The following PDE3A variants were observed in gnomAD, a reference collection of about 807,000 sequenced individuals.
PDE3A encodes phosphodiesterase 3A, also known as cGMP-inhibited 3',5'-cyclic phosphodiesterase 3A.
Under a neutral mutation model 98.3 loss-of-function variants are expected in PDE3A, and 43 were observed. The ratio of observed to expected loss-of-function variants is 0.44; its 90% CI spans 0.34 to 0.56. The LOEUF (loss-of-function observed/expected upper bound fraction) is 0.56. Ranked by LOEUF, PDE3A falls within the 20% of genes least tolerant of loss-of-function variation. The pLI is 0.01. For missense variants in PDE3A, 1,427 were observed against 1,440.7 expected (o/e 0.99, Z 0.15); for synonymous variants, 663 against 567.9 (o/e 1.17, Z -2.38).
At chr12:20,629,494 G>T (rs1487041762) in intron 5 of PDE3A, among the ~76,000 whole-genome samples, 2 of 152,094 alleles carry the variant, frequency 1.3e-5, no homozygotes, top group African/African-American at 2.4e-5. Context: ...ACTGGTTAAC[G>T]TTTAAAACAA....
chr12:20,641,656 A>G (rs1044830661), intron 10 of PDE3A, among the ~76,000 whole-genome samples: 2 of 152,218 alleles, frequency 1.3e-5, no homozygotes, highest in Non-Finnish European at 2.9e-5. Flanking sequence ...CACAGGTGGT[A>G]TATCATTAAA....
In PDE3A at chr12:20,630,029, T is replaced by C. The variant is rs775138158; in HGVS notation, c.1662T>C (p.Thr554=). The C allele has an allele frequency of 6.2e-7, 1 of 1,614,058 alleles. No homozygotes were observed. The highest frequency in any genetic ancestry group is 1.1e-5 in the South Asian group (1 of 91,082). ...AGTTTCCAGAATCTGCTGACACAACTGCCAAACAAAGCCTAGGTTCTCACA... is the reference window on the plus strand; with the variant it reads ...AGTTTCCAGAATCTGCTGACACAACCGCCAAACAAAGCCTAGGTTCTCACA... ...AVQFPESADT[T]AKQSLGSHRA... is the part of the protein sequence containing the mutation. Residue 554 remains threonine, a synonymous_variant, in exon 6 of 16, where the codon ACT becomes ACC. Coordinates refer to ENST00000359062, the MANE Select transcript of PDE3A (RefSeq NM_000921.5).
chr12:20,545,137 C>A (rs1035198668), intron 1 of PDE3A, among the ~76,000 whole-genome samples: 4 of 151,902 alleles, frequency 2.6e-5, no homozygotes, highest in African/African-American at 9.7e-5. Flanking sequence ...GTAAAAATTT[C>A]AAGTAATCAG....
At chr12:20,378,302 A>T (rs191314614) in intron 1 of PDE3A, among the ~76,000 whole-genome samples, 31 of 151,826 alleles carry the variant, frequency 2.0e-4, no homozygotes, top group African/African-American at 7.2e-4. Context: ...ACCTTTCCTT[A>T]TACTCTATGA....
intron 1 of PDE3A, among the ~76,000 whole-genome samples, chr12:20,389,567 T>A (rs1355242110): frequency 2.6e-5 from 4 of 151,756 alleles, no homozygotes; most frequent in Admixed American, 2.6e-4. Context: ...ACTGTTTGAG[T>A]TTTTTATTCT....
intron 2 of PDE3A, among the ~76,000 whole-genome samples, chr12:20,595,124 G>A (rs969477240): frequency 3.3e-5 from 5 of 152,210 alleles, no homozygotes; most frequent in African/African-American, 1.2e-4. Flanking sequence ...AAGCCTTCAG[G>A]ATTAGTGCAT....
intron 1 of PDE3A, among the ~76,000 whole-genome samples, chr12:20,549,495 T>G (rs1942142302): frequency 6.6e-6 from 1 of 152,134 alleles, no homozygotes; most frequent in Non-Finnish European, 1.5e-5. Flanking sequence ...ATAAACACTT[T>G]GTATTCTTCA....
chr12:20,379,635 A>C (rs1392697675), intron 1 of PDE3A, among the ~76,000 whole-genome samples: 1 of 151,834 alleles, frequency 6.6e-6, no homozygotes, highest in Non-Finnish European at 1.5e-5. Flanking sequence ...ATGAAAAAGA[A>C]ATAAAAGACT....
intron 1 of PDE3A, among the ~76,000 whole-genome samples, chr12:20,462,714 C>G (rs1945272679): frequency 6.6e-6 from 1 of 152,072 alleles, no homozygotes; most frequent in Non-Finnish European, 1.5e-5. Flanking sequence ...ACATTTACTT[C>G]AAGCTTTCAT....
intron 15 of PDE3A, among the ~76,000 whole-genome samples, chr12:20,664,354 G>A (rs768764590): frequency 2.0e-5 from 3 of 152,182 alleles, no homozygotes; most frequent in Non-Finnish European, 4.4e-5. Flanking sequence ...GGTACTGAGA[G>A]TTAAATGATA....
chr12:20,436,751 T>G (rs1944785180), intron 1 of PDE3A, among the ~76,000 whole-genome samples: 1 of 152,202 alleles, frequency 6.6e-6, no homozygotes, highest in African/African-American at 2.4e-5. Context: ...AGAGGGGAAT[T>G]GAGAGCAAGG....
chr12:20,528,155 T>C (rs752756899), intron 1 of PDE3A, among the ~76,000 whole-genome samples: 3 of 152,226 alleles, frequency 2.0e-5, no homozygotes, highest in African/African-American at 7.2e-5. Flanking sequence ...TGAGTAGTTG[T>C]TCTCAGTTGC....
rs142706749 is a variant in PDE3A, at chr12:20,435,964, G to C, written c.960+65720G>C. On this transcript the variant is annotated intron_variant, in intron 1 of 15. Transcript: ENST00000359062. ...TGTGTTGCATTATACGGGCAAGATT[G>C]AGATTTTTGGTGTGGGAGGGGTTTT... is the stretch of plus-strand genomic sequence containing the variant. Among the ~76,000 whole-genome samples the C allele has an allele frequency of 1.3e-3, 195 of 152,204 alleles. 1 individual carries two copies. The highest frequency in any genetic ancestry group is 4.6e-3 in the African/African-American group (189 of 41,538).
At chr12:20,455,726 G>T (rs1372290747) in intron 1 of PDE3A, among the ~76,000 whole-genome samples, 2 of 152,070 alleles carry the variant, frequency 1.3e-5, no homozygotes, top group South Asian at 4.1e-4. Context: ...CATATTAATT[G>T]TTCCTCTCCT....
chr12:20,416,339 C>T (rs548352072), intron 1 of PDE3A, among the ~76,000 whole-genome samples: 11 of 152,154 alleles, frequency 7.2e-5, no homozygotes, highest in African/African-American at 1.2e-4. Context: ...TTTTCCTGTG[C>T]GGAATATTTG....
chr12:20,369,750 C>G lies in PDE3A; in HGVS notation c.466C>G (p.Arg156Gly), dbSNP rs756964543. The G allele has an allele frequency of 2.5e-6, 4 of 1,612,266 alleles. No individual in the cohort carries two copies. Residue 156 changes from arginine (R) to glycine (G), a missense_variant, in exon 1 of 16, where the codon CGC becomes GGC. Around this residue, in one of 3 missense-constraint regions of PDE3A, gnomAD observed 1,012 missense variants for 886.5 expected, o/e 1.14. Transcript: ENST00000359062. ...CTTGTACCTCCTGCGCGCCGGGGTGCGCCTGCCTCTGGCTGTCGCGCTGCT... is the reference window on the plus strand; with the variant it reads ...CTTGTACCTCCTGCGCGCCGGGGTGGGCCTGCCTCTGGCTGTCGCGCTGCT... ...MGLYLLRAGV[R>G]LPLAVALLAA...
chr12:20,473,201 T>C (rs1383330401), intron 1 of PDE3A, among the ~76,000 whole-genome samples: 1 of 152,184 alleles, frequency 6.6e-6, no homozygotes, highest in Non-Finnish European at 1.5e-5. Flanking sequence ...GTTTAAAGAA[T>C]AGCAAACATT....
At chr12:20,422,452 A>G (rs541998000) in intron 1 of PDE3A, among the ~76,000 whole-genome samples, 1 of 152,350 alleles carries the variant, frequency 6.6e-6, no homozygotes, top group South Asian at 2.1e-4. Context: ...TATCAGAAGA[A>G]TGGAATCTAA....
At chr12:20,392,016 C>G (rs563178156) in intron 1 of PDE3A, among the ~76,000 whole-genome samples, 9 of 152,038 alleles carry the variant, frequency 5.9e-5, no homozygotes, top group African/African-American at 2.2e-4. Context: ...TGCCTACTTA[C>G]GAACCACTAG....
Sources: gnomAD v4.1 joint callset for allele counts (sites outside exome capture counted in the v4.1 genomes callset) on GRCh38, gnomAD v4.1.1 for gene constraint, gnomAD v4.1.1 regional missense constraint, MANE v1.5 for transcripts, NCBI Gene and HGNC (gene_info 2026-07-23, HGNC 2026-07-21) for gene names.